GRIK3: variants seen among roughly 807,000 people sequenced by gnomAD.
The protein encoded by GRIK3 is glutamate receptor ionotropic, kainate 3.
In GRIK3, 29 loss-of-function variants were observed where a neutral mutation model predicts 102.5. The ratio of observed to expected loss-of-function variants is 0.28; its 90% CI spans 0.21 to 0.39. The LOEUF (loss-of-function observed/expected upper bound fraction) is 0.39. GRIK3 is among the 10% of genes least tolerant of loss of function. GRIK3 has a pLI of 1.00. For missense variants in GRIK3, 908 were observed against 1,252.4 expected (o/e 0.73, Z 4.15); for synonymous variants, 511 against 504.9 (o/e 1.01, Z -0.16).
rs140600461 is a variant in GRIK3 at position 36,923,890 on chromosome 1, T to A, written c.116-32794A>T. Among the ~76,000 whole-genome samples, 62 of 151,958 alleles carry A rather than the reference T, an allele frequency of 4.1e-4. 2 individuals are homozygous for A. In the Middle Eastern group the frequency reaches 0.01, roughly 25 times the overall value. ...CTGGTTGGCTGTAAACACATGCATG[T>A]ACACACACATGCACTGGCTGACCCA... On this transcript the variant is annotated intron_variant, in intron 1 of 15. Coordinates refer to ENST00000373091, the MANE Select transcript of GRIK3 (RefSeq NM_000831.4).
chr1:36,927,474 C>G (rs1180434715), intron 1 of GRIK3, among the ~76,000 whole-genome samples: 1 of 151,990 alleles, frequency 6.6e-6, no homozygotes, highest in Non-Finnish European at 1.5e-5. Flanking sequence ...CACTAACAGG[C>G]CCCGTGTCAA....
Position 36,808,175 on chromosome 1 carries a change from T to C in GRIK3, c.2092-1849A>G, listed in dbSNP as rs181462806. Among the ~76,000 whole-genome samples, 3 of 152,334 alleles carry C rather than the reference T, an allele frequency of 2.0e-5. No individual in the cohort carries two copies. In the East Asian group the frequency reaches 5.8e-4, roughly 29 times the overall value. ...CTGCCTCCCCCAATGTTTCTTATTTTCTAGAAAATTTCTGATAAGCAGATT... is the reference window on the plus strand; with the variant it reads ...CTGCCTCCCCCAATGTTTCTTATTTCCTAGAAAATTTCTGATAAGCAGATT... On this transcript the variant is annotated intron_variant, in intron 13 of 15. Transcript: ENST00000373091.
At chr1:36,857,413 G>T (rs1165913856) in intron 7 of GRIK3, among the ~76,000 whole-genome samples, 3 of 152,226 alleles carry the variant, frequency 2.0e-5, no homozygotes. Flanking sequence ...AGTTTTGAGG[G>T]ATGGGAAGCT....
At chr1:36,802,550 A>G (rs1483415823) in intron 15 of GRIK3, among the ~76,000 whole-genome samples, 1 of 152,064 alleles carries the variant, frequency 6.6e-6, no homozygotes, top group Non-Finnish European at 1.5e-5. Context: ...CACTCAGGGA[A>G]GTCCAGCACA....
At chr1:36,942,401 A>C (rs1363556371) in intron 1 of GRIK3, among the ~76,000 whole-genome samples, 1 of 152,196 alleles carries the variant, frequency 6.6e-6, no homozygotes, top group Admixed American at 6.5e-5. Context: ...TGGACTTCAA[A>C]GGCTCCTCTG....
Position 36,880,927 on chromosome 1 carries a change from C to A in GRIK3, c.293-36G>T. 6.4e-7 allele frequency: 1 copy of A among 1,564,462 alleles called. No individual in the cohort carries two copies. The highest frequency in any genetic ancestry group is 1.2e-5 in the South Asian group (1 of 86,862). ...GGGTAGGGCAGCACAGGGGTCAGCA[C>A]TGGGGCTGTGGGTATGGGGACAGTG... On this transcript the variant is annotated intron_variant, in intron 2 of 15. Coordinates refer to ENST00000373091, the MANE Select transcript of GRIK3 (RefSeq NM_000831.4). The surrounding 1 kb of genome is among the most constrained non-coding windows in gnomAD (Gnocchi z 5.4).
chr1:36,949,227 G>C (rs1641816250), intron 1 of GRIK3, among the ~76,000 whole-genome samples: 1 of 152,184 alleles, frequency 6.6e-6, no homozygotes, highest in Admixed American at 6.5e-5. Context: ...TCTTGATCTT[G>C]ATCCAGACTG....
At chr1:36,950,852 C>A (rs183904977) in intron 1 of GRIK3, among the ~76,000 whole-genome samples, 8 of 152,348 alleles carry the variant, frequency 5.3e-5, no homozygotes, top group African/African-American at 1.9e-4. Context: ...ACCAATTCTA[C>A]ACTCACTCCC....
intron 1 of GRIK3, among the ~76,000 whole-genome samples, chr1:36,995,018 C>G (rs1046853534): frequency 1.3e-5 from 2 of 152,114 alleles, no homozygotes; most frequent in African/African-American, 4.8e-5. Context: ...CTGCCGGTGA[C>G]CTTTGCAGAG....
At chr1:37,010,409 C>G (rs1642581779) in intron 1 of GRIK3, among the ~76,000 whole-genome samples, 1 of 152,204 alleles carries the variant, frequency 6.6e-6, no homozygotes, top group African/African-American at 2.4e-5. Flanking sequence ...TCTTATCCCA[C>G]AAGATCCTTT....
At chr1:36,935,872 C>T (rs1275669085) in intron 1 of GRIK3, among the ~76,000 whole-genome samples, 3 of 152,152 alleles carry the variant, frequency 2.0e-5, no homozygotes, top group Admixed American at 6.5e-5. Context: ...ACCAATTAAT[C>T]GCAAATTGAT....
chr1:36,848,024 C>G (rs1439028389), intron 9 of GRIK3, among the ~76,000 whole-genome samples: 1 of 152,200 alleles, frequency 6.6e-6, no homozygotes, highest in Non-Finnish European at 1.5e-5. Flanking sequence ...GTGAGCACAG[C>G]AGGTCGGGGA....
chr1:36,983,655 C>A (rs1258074039), intron 1 of GRIK3, among the ~76,000 whole-genome samples: 1 of 152,088 alleles, frequency 6.6e-6, no homozygotes, highest in Non-Finnish European at 1.5e-5. Flanking sequence ...TTGACCACTA[C>A]TCTATAATAC....
At chr1:36,916,652 G>A (rs761141871) in intron 1 of GRIK3, among the ~76,000 whole-genome samples, 4 of 152,208 alleles carry the variant, frequency 2.6e-5, no homozygotes, top group Non-Finnish European at 5.9e-5. Context: ...GCTTCAACGG[G>A]TGGAAGCCCC....
chr1:36,975,288 G>GTTTTTTTTTTTTTTTT lies in GRIK3; in HGVS notation c.115+58690_115+58705dup, dbSNP rs61125066. On this transcript the variant is annotated intron_variant, in intron 1 of 15. Coordinates refer to ENST00000373091, the MANE Select transcript of GRIK3 (RefSeq NM_000831.4). ...AAATCAATGAGCTTATCTAAAGTTG[G>GTTTTTTTTTTTTTTTT]TTTTTTTTTTTTTTTTTTTTGAGAG... 1.9e-3 allele frequency among the ~76,000 whole-genome samples: 210 copies of GTTTTTTTTTTTTTTTT among 113,336 alleles called. 16 individuals are homozygous for GTTTTTTTTTTTTTTTT. The highest frequency in any genetic ancestry group is 4.1e-3 in the African/African-American group (108 of 26,280). The allele number at this position is 113,336 out of a possible 152,430, so 74.4% of individuals were successfully genotyped here.
chr1:36,937,922 T>C (rs1300053145), intron 1 of GRIK3, among the ~76,000 whole-genome samples: 2 of 152,236 alleles, frequency 1.3e-5, no homozygotes, highest in African/African-American at 4.8e-5. Context: ...CTCAGCCTTC[T>C]GCTAACCTAA....
rs1642433415 is a variant in GRIK3, at chr1:36,800,917, G to A, written c.*934C>T. On this transcript the variant is annotated 3_prime_UTR_variant, in exon 16 of 16. Transcript: ENST00000373091. ...GAGCCCAGGTTTCCAAATGTGAACA[G>A]GGTTTAGACAACAGCTTGCTAACCA... is the stretch of plus-strand genomic sequence containing the variant. 6.6e-6 allele frequency: 1 copy of A among 152,252 alleles called. No individual in the cohort carries two copies. Among genetic ancestry groups the A allele is most frequent in the African/African-American group, 2.4e-5 (1 of 41,466 alleles). The allele number at this position is 152,252 out of a possible 1,614,324, so 9.4% of individuals were successfully genotyped here.
intron 1 of GRIK3, among the ~76,000 whole-genome samples, chr1:36,966,938 A>C (rs1386177322): frequency 6.6e-6 from 1 of 152,162 alleles, no homozygotes; most frequent in Non-Finnish European, 1.5e-5. Context: ...TGAGGGATAC[A>C]ATGGTTTAAA....
At chr1:36,955,523 A>G (rs1444585336) in intron 1 of GRIK3, among the ~76,000 whole-genome samples, 1 of 152,106 alleles carries the variant, frequency 6.6e-6, no homozygotes, top group African/African-American at 2.4e-5. Context: ...GCACACACAG[A>G]CATACCCCCG....
Sources: allele counts gnomAD v4.1 joint callset (sites outside exome capture counted in the v4.1 genomes callset), GRCh38; gene constraint gnomAD v4.1.1; non-coding constraint Gnocchi (gnomAD v3.1); transcripts MANE v1.5; gene names NCBI Gene and HGNC (gene_info 2026-07-23, HGNC 2026-07-21).